Variants in ZNG1E observed in about 807,000 individuals in gnomAD.
The protein encoded by ZNG1E is Zn regulated GTPase metalloprotein activator 1E.
the ZNG1E span, among the ~76,000 whole-genome samples, chr9:65,717,696 C>G: frequency 6.7e-6 from 1 of 148,788 alleles, no homozygotes; most frequent in Admixed American, 6.7e-5. Flanking sequence ...TTTTTTTTTT[C>G]TTCCCCTTGG....
chr9:65,665,398 G>C, the ZNG1E span, among the ~76,000 whole-genome samples: 1 of 152,270 alleles, frequency 6.6e-6, no homozygotes, highest in Non-Finnish European at 1.5e-5. Flanking sequence ...CCCAAGCCTT[G>C]GCAGCTTCCA....
At chr9:65,698,800 T>C in the ZNG1E span, among the ~76,000 whole-genome samples, 1 of 135,962 alleles carries the variant, frequency 7.4e-6, no homozygotes, top group Non-Finnish European at 1.6e-5. Flanking sequence ...TCTGTAATTT[T>C]GAGGAACTCG....
At chr9:65,666,756 A>C in the ZNG1E span, among the ~76,000 whole-genome samples, 1 of 151,054 alleles carries the variant, frequency 6.6e-6, no homozygotes, top group Non-Finnish European at 1.5e-5. Context: ...ATGAAGTAAA[A>C]GGAACCATTA....
chr9:65,666,799 G>C, the ZNG1E span, among the ~76,000 whole-genome samples: 1 of 151,594 alleles, frequency 6.6e-6, no homozygotes, highest in Non-Finnish European at 1.5e-5. Context: ...ATAATATTCT[G>C]CTTACTAACA....
the ZNG1E span, among the ~76,000 whole-genome samples, chr9:65,684,440 G>A: frequency 6.6e-6 from 1 of 152,336 alleles, no homozygotes; most frequent in African/African-American, 2.4e-5. Context: ...GGAGGCTAAG[G>A]CATGAGAATC....
At chr9:65,662,235 C>T in the ZNG1E span, among the ~76,000 whole-genome samples, 1 of 152,214 alleles carries the variant, frequency 6.6e-6, no homozygotes, top group African/African-American at 2.4e-5. Context: ...TTCTACAAAA[C>T]AACTGACCAG....
the ZNG1E span, chr9:65,693,604 C>A: frequency 4.1e-5 from 25 of 609,258 alleles, no homozygotes; most frequent in South Asian, 4.6e-4. Flanking sequence ...GTTGCCCAGG[C>A]TGGAGTGCAG....
At chr9:65,662,077 A>G in the ZNG1E span, among the ~76,000 whole-genome samples, 3 of 152,200 alleles carry the variant, frequency 2.0e-5, no homozygotes, top group Admixed American at 6.6e-5. Flanking sequence ...CAAAGTTAAC[A>G]TTCTAGTAAA....
the ZNG1E span, among the ~76,000 whole-genome samples, chr9:65,677,441 T>G: frequency 6.6e-6 from 1 of 152,174 alleles, no homozygotes; most frequent in African/African-American, 2.4e-5. Context: ...CTTCCCCCTT[T>G]GTCCATCTTT....
the ZNG1E span, among the ~76,000 whole-genome samples, chr9:65,726,472 C>T: frequency 1.4e-5 from 1 of 70,094 alleles, no homozygotes; most frequent in Non-Finnish European, 3.0e-5. Flanking sequence ...AAAGGTGAAG[C>T]CCAATGTAAG....
the ZNG1E span, among the ~76,000 whole-genome samples, chr9:65,674,056 C>A: frequency 6.6e-6 from 1 of 151,894 alleles, no homozygotes; most frequent in African/African-American, 2.4e-5. Context: ...GCTTATGAAC[C>A]ATTGTGTTTA....
the ZNG1E span, among the ~76,000 whole-genome samples, chr9:65,658,036 T>C: frequency 1.3e-5 from 2 of 151,950 alleles, no homozygotes; most frequent in African/African-American, 4.8e-5. Flanking sequence ...GAGGCGGAGG[T>C]TGCAGTGAGC....
At chr9:65,686,682 G>T in the ZNG1E span, among the ~76,000 whole-genome samples, 1 of 152,142 alleles carries the variant, frequency 6.6e-6, no homozygotes, top group Non-Finnish European at 1.5e-5. Context: ...ACTTAGTGTA[G>T]CTACTTTCAC....
At chr9:65,686,638 A>T in the ZNG1E span, among the ~76,000 whole-genome samples, 1 of 152,158 alleles carries the variant, frequency 6.6e-6, no homozygotes, top group Non-Finnish European at 1.5e-5. Flanking sequence ...CCATCTCAAA[A>T]TAAATAAATA....
the ZNG1E span, among the ~76,000 whole-genome samples, chr9:65,660,363 A>G: frequency 6.9e-6 from 1 of 144,462 alleles, no homozygotes; most frequent in Admixed American, 7.0e-5. Flanking sequence ...ATTATAACTC[A>G]TAAAATTATT....
chr9:65,717,665 C>T, the ZNG1E span, among the ~76,000 whole-genome samples: 1 of 149,306 alleles, frequency 6.7e-6, no homozygotes, highest in Admixed American at 6.7e-5. Context: ...TGAAACAATG[C>T]TGCATGAAAT....
the ZNG1E span, among the ~76,000 whole-genome samples, chr9:65,721,710 A>G: frequency 6.6e-6 from 1 of 150,630 alleles, no homozygotes; most frequent in East Asian, 1.9e-4. Flanking sequence ...ATTAAAGCAA[A>G]TTCCAGACAT....
chr9:65,709,546 C>A, the ZNG1E span, among the ~76,000 whole-genome samples: 16 of 128,892 alleles, frequency 1.2e-4, no homozygotes, highest in African/African-American at 4.9e-4. Context: ...TGTTCCCCTT[C>A]CTGTGTCCAT....
chr9:65,665,501 G>T, the ZNG1E span, among the ~76,000 whole-genome samples: 708 of 151,886 alleles, frequency 4.7e-3, no homozygotes, highest in East Asian at 0.12. Flanking sequence ...TTGCTGTAGG[G>T]GTGGGTCCCT....
Sources: gnomAD v4.1 joint callset for allele counts (sites outside exome capture counted in the v4.1 genomes callset) on GRCh38, gnomAD v4.1.1 for gene constraint, MANE v1.5 for transcripts, NCBI Gene and HGNC (gene_info 2026-07-23, HGNC 2026-07-21) for gene names.